The following GIPC2 variants were observed in gnomAD, a reference collection of about 807,000 sequenced individuals.
GIPC2 encodes PDZ domain-containing protein GIPC2.
GIPC2 carries 30 observed loss-of-function variants against 30.6 expected under a neutral mutation model. The ratio of observed to expected loss-of-function variants is 0.98; its 90% CI spans 0.73 to 1.33. The LOEUF is 1.33. Among genes scored for constraint, GIPC2 ranks in the 40% most tolerant of loss-of-function variants. GIPC2 has a pLI of 0.00. For synonymous variants in GIPC2, 167 were observed against 150.0 expected (o/e 1.11, Z -0.83); for missense variants, 414 against 390.3 (o/e 1.06, Z -0.51).
At chr1:78,089,072 T>G (rs946696981) in intron 2 of GIPC2, 1 of 152,358 alleles carries the variant, frequency 6.6e-6, no homozygotes, top group Non-Finnish European at 1.5e-5. Context: ...TATGTGCTGC[T>G]GAAGTGAGCA....
At chr1:78,073,109 T>A (rs1388375068) in intron 1 of GIPC2, among the ~76,000 whole-genome samples, 2 of 139,192 alleles carry the variant, frequency 1.4e-5, no homozygotes. Context: ...ATGCCCGGCC[T>A]TTTTTTTTTT....
At chr1:78,096,996 G>A (rs1662149590) in intron 3 of GIPC2, among the ~76,000 whole-genome samples, 1 of 152,148 alleles carries the variant, frequency 6.6e-6, no homozygotes. Context: ...AAGCCTGGCT[G>A]CTCTGCCTGT....
intron 3 of GIPC2, among the ~76,000 whole-genome samples, chr1:78,112,097 A>G (rs569664375): frequency 1.3e-5 from 2 of 152,352 alleles, no homozygotes; most frequent in South Asian, 2.1e-4. Context: ...GCCAGATAAT[A>G]TGCTTTTGAG....
intron 3 of GIPC2, among the ~76,000 whole-genome samples, chr1:78,100,025 G>A (rs977604352): frequency 9.9e-5 from 15 of 152,204 alleles, no homozygotes; most frequent in Admixed American, 6.5e-5. Context: ...AAGAGGCAGA[G>A]GGGTAACATG....
chr1:78,091,361 G>A, intron 2 of GIPC2: 2 of 485,504 alleles, frequency 4.1e-6, no homozygotes, highest in Non-Finnish European at 7.5e-6. Context: ...ATGGCGACTG[G>A]ACATGTAGCT....
chr1:78,053,815 C>T (rs527814795), intron 1 of GIPC2, among the ~76,000 whole-genome samples: 1 of 150,704 alleles, frequency 6.6e-6, no homozygotes, highest in East Asian at 1.9e-4. Flanking sequence ...CCTGTAGTCC[C>T]AGTATTCAGG....
At chr1:78,134,869 C>T (rs1035462397) in intron 5 of GIPC2, among the ~76,000 whole-genome samples, 2 of 152,112 alleles carry the variant, frequency 1.3e-5, no homozygotes. Flanking sequence ...TTCTAGGGTG[C>T]TGAGTGGAAA....
intron 1 of GIPC2, among the ~76,000 whole-genome samples, chr1:78,070,617 T>G (rs1661599998): frequency 6.6e-6 from 1 of 152,198 alleles, no homozygotes; most frequent in African/African-American, 2.4e-5. Context: ...GACTTACACC[T>G]ATTCCAATTC....
chr1:78,046,907 C>A (rs1661104420), intron 1 of GIPC2, among the ~76,000 whole-genome samples: 1 of 152,182 alleles, frequency 6.6e-6, no homozygotes, highest in Non-Finnish European at 1.5e-5. Context: ...TTTCTAACAT[C>A]AGCACCAGAA....
chr1:78,064,687 G>A (rs538849906), intron 1 of GIPC2, among the ~76,000 whole-genome samples: 1 of 151,218 alleles, frequency 6.6e-6, no homozygotes, highest in South Asian at 2.1e-4. Context: ...TAGAGAGAGG[G>A]TCTTGTTCTG....
intron 2 of GIPC2, among the ~76,000 whole-genome samples, chr1:78,093,468 C>T (rs1297250552): frequency 6.6e-6 from 1 of 152,122 alleles, no homozygotes; most frequent in African/African-American, 2.4e-5. Flanking sequence ...TTAACAGCCA[C>T]TATTAGAATG....
chr1:78,102,283 T>C (rs535161355), intron 3 of GIPC2, among the ~76,000 whole-genome samples: 3 of 152,332 alleles, frequency 2.0e-5, no homozygotes, highest in African/African-American at 4.8e-5. Flanking sequence ...TTTTGAGTCA[T>C]TCACAGCTGG....
At chr1:78,081,810 TCA>T in intron 2 of GIPC2, among the ~76,000 whole-genome samples, 1 of 152,352 alleles carries the variant, frequency 6.6e-6, no homozygotes, top group East Asian at 1.9e-4. Flanking sequence ...CACTTAATTC[TCA>T]CAATTCTATT....
At chr1:78,126,702 G>A (rs986213749) in intron 5 of GIPC2, among the ~76,000 whole-genome samples, 3 of 152,152 alleles carry the variant, frequency 2.0e-5, no homozygotes, top group African/African-American at 7.2e-5. Context: ...GGCCCCTGTG[G>A]TATCCCCTGG....
At chr1:78,058,426 A>G (rs1309733478) in intron 1 of GIPC2, among the ~76,000 whole-genome samples, 2 of 151,498 alleles carry the variant, frequency 1.3e-5, no homozygotes, top group Non-Finnish European at 2.9e-5. Flanking sequence ...CTTTTAACTG[A>G]TTTTTTTTTA....
At chr1:78,129,388 C>T (rs1662848285) in intron 5 of GIPC2, among the ~76,000 whole-genome samples, 1 of 152,084 alleles carries the variant, frequency 6.6e-6, no homozygotes, top group Non-Finnish European at 1.5e-5. Context: ...TATTTCTTAG[C>T]TTTCAGAAAT....
chr1:78,108,465 T>C (rs1662401968), intron 3 of GIPC2, among the ~76,000 whole-genome samples: 1 of 152,212 alleles, frequency 6.6e-6, no homozygotes, highest in Non-Finnish European at 1.5e-5. Context: ...TTGAGCCACC[T>C]TTGTGTGCTT....
chr1:78,109,076 T>A (rs1437780536), intron 3 of GIPC2, among the ~76,000 whole-genome samples: 1 of 152,232 alleles, frequency 6.6e-6, no homozygotes, highest in Non-Finnish European at 1.5e-5. Context: ...TTAGGTATCA[T>A]CATATTAAGG....
chr1:78,072,997 G>A (rs1661651681), intron 1 of GIPC2, among the ~76,000 whole-genome samples: 1 of 150,518 alleles, frequency 6.6e-6, no homozygotes, highest in South Asian at 2.1e-4. Flanking sequence ...TTTTAGTAGA[G>A]ACGGGGTTTC....
Sources: gnomAD v4.1 joint callset for allele counts (sites outside exome capture counted in the v4.1 genomes callset) on GRCh38, gnomAD v4.1.1 for gene constraint, MANE v1.5 for transcripts, NCBI Gene and HGNC (gene_info 2026-07-23, HGNC 2026-07-21) for gene names.